BIN3: variants seen among roughly 807,000 people sequenced by gnomAD.
BIN3 encodes the protein bridging integrator 3.
Under a neutral mutation model 38.2 loss-of-function variants are expected in BIN3, and 41 were observed. The ratio of observed to expected loss-of-function variants is 1.07; its 90% CI spans 0.84 to 1.39. The LOEUF (loss-of-function observed/expected upper bound fraction) is 1.39, where lower values mean the gene tolerates loss of function less well. BIN3 is among the 40% of genes most tolerant of loss of function. The probability of loss-of-function intolerance (pLI) is 0.00; values close to 1 mark genes in which losing one functional copy is unlikely to be tolerated. For synonymous variants in BIN3, 145 were observed against 122.6 expected, an observed-to-expected ratio of 1.18 and a Z score of -1.21; for missense variants, 361 against 324.3, an observed-to-expected ratio of 1.11 and a Z score of -0.87.
At chr8:22,634,509 TGGCTGA>T in intron 4 of BIN3, 1 of 456,326 alleles carries the variant, frequency 2.2e-6, no homozygotes. Flanking sequence ...CATCAGTAAC[TGGCTGA>T]GGCTTAGGAG....
chr8:22,642,396 G>C (rs1269772166), intron 2 of BIN3, among the ~76,000 whole-genome samples: 1 of 152,154 alleles, frequency 6.6e-6, no homozygotes, highest in East Asian at 1.9e-4. Context: ...TTCTACTTCA[G>C]TGCCTCTGGG....
intron 1 of BIN3, among the ~76,000 whole-genome samples, chr8:22,652,719 AGAGAAAAG>A (rs1217546038): frequency 4.1e-4 from 63 of 152,034 alleles, no homozygotes; most frequent in Admixed American, 4.1e-3. Flanking sequence ...ATATTTAGGC[AGAGAAAAG>A]AGCAAAACAA....
chr8:22,627,836 C>A (rs941937939), intron 6 of BIN3, among the ~76,000 whole-genome samples: 1 of 152,276 alleles, frequency 6.6e-6, no homozygotes, highest in South Asian at 2.1e-4. Flanking sequence ...TGGTCCTGCA[C>A]CACGCTGGCA....
intron 8 of BIN3, 106 bp from the exon 9 acceptor site, chr8:22,621,674 G>A (rs1801825317): frequency 2.5e-6 from 3 of 1,223,350 alleles, no homozygotes; most frequent in Non-Finnish European, 3.5e-6. Flanking sequence ...TACCCATCTG[G>A]AGCTGTGCAG....
In BIN3 at chr8:22,639,286, C is replaced by T. The variant is rs1041445695; in HGVS notation, c.58-2324G>A. ...TTGCTCTGTTGCCCAGGCTGGAATGCGATGGTGGCATCATGGCTCACTGCA... is the reference window on the plus strand; with the variant it reads ...TTGCTCTGTTGCCCAGGCTGGAATGTGATGGTGGCATCATGGCTCACTGCA... On this transcript the variant is annotated intron_variant, in intron 2 of 8. Coordinates refer to ENST00000276416, the MANE Select transcript of BIN3 (RefSeq NM_018688.6). 2.0e-5 allele frequency among the ~76,000 whole-genome samples: 3 copies of T among 150,606 alleles called. No homozygotes were observed. In the South Asian group the frequency reaches 6.3e-4, roughly 31 times the overall value.
chr8:22,629,679 G>A (rs1445734188), intron 6 of BIN3: 7 of 535,218 alleles, frequency 1.3e-5, no homozygotes, highest in Non-Finnish European at 2.4e-5. Context: ...CAATCAGGAG[G>A]AAGCGGTCAA....
chr8:22,634,412 C>T (rs1802301852), intron 4 of BIN3: 5 of 447,934 alleles, frequency 1.1e-5, no homozygotes, highest in African/African-American at 4.2e-5. Flanking sequence ...TCAGCGCTCA[C>T]CCGGGCATGG....
intron 1 of BIN3, among the ~76,000 whole-genome samples, chr8:22,656,619 G>T (rs1803065477): frequency 6.6e-6 from 1 of 152,106 alleles, no homozygotes. Flanking sequence ...TCCGACTTTG[G>T]TAAGAATGCT....
chr8:22,644,877 C>T lies in BIN3; in HGVS notation c.9-74G>A. 4 of 1,352,218 alleles carry T rather than the reference C, an allele frequency of 3.0e-6. No individual in the cohort carries two copies. In the South Asian group the frequency reaches 3.7e-5, roughly 13 times the overall value. 83.8% of individuals were successfully genotyped at this position (1,352,218 alleles called of 1,614,324 possible). ...TGCAGCTCAAAGTATCAGTACAGTA[C>T]AGGCCACTTTCCCCCAGGAGGGCGA... On this transcript the variant is annotated intron_variant, in intron 1 of 8. Coordinates refer to ENST00000276416, the MANE Select transcript of BIN3 (RefSeq NM_018688.6).
chr8:22,630,243 C>A (rs1184202302), intron 5 of BIN3, among the ~76,000 whole-genome samples, 199 bp downstream of exon 5: 1 of 152,194 alleles, frequency 6.6e-6, no homozygotes, highest in Non-Finnish European at 1.5e-5. Flanking sequence ...GCTCGTGGAG[C>A]CTCAGGAGGC....
At chr8:22,661,860 A>G (rs1435266110) in intron 1 of BIN3, among the ~76,000 whole-genome samples, 1 of 151,736 alleles carries the variant, frequency 6.6e-6, no homozygotes, top group Non-Finnish European at 1.5e-5. Context: ...GCATGATCTC[A>G]GCTCACTGCA....
chr8:22,658,467 G>A (rs1019727832), intron 1 of BIN3, among the ~76,000 whole-genome samples: 2 of 152,172 alleles, frequency 1.3e-5, no homozygotes, highest in African/African-American at 2.4e-5. Flanking sequence ...AAAAGCCCCT[G>A]CTCTTGTGTA....
chr8:22,668,910 G>A, intron 1 of BIN3, 134 bp downstream of exon 1: 2 of 1,171,330 alleles, frequency 1.7e-6, no homozygotes, highest in Non-Finnish European at 2.4e-6. Context: ...CCCTAGGGCA[G>A]GGGCTGTCGG....
intron 6 of BIN3, 36 bp from the exon 7 acceptor site, chr8:22,624,399 T>C (rs1321411286): frequency 6.3e-7 from 1 of 1,599,758 alleles, no homozygotes; most frequent in African/African-American, 1.3e-5. Flanking sequence ...GGCCCGTTCT[T>C]GAAGGGGTGG....
chr8:22,656,467 AAAG>A (rs1269810748), intron 1 of BIN3, among the ~76,000 whole-genome samples: 1 of 152,216 alleles, frequency 6.6e-6, no homozygotes, highest in Non-Finnish European at 1.5e-5. Context: ...TTCAACTGGA[AAAG>A]AAGAAAAATA....
At chr8:22,639,568 T>C (rs1802474859) in intron 2 of BIN3, among the ~76,000 whole-genome samples, 1 of 152,190 alleles carries the variant, frequency 6.6e-6, no homozygotes, top group Non-Finnish European at 1.5e-5. Flanking sequence ...GCTGATATCA[T>C]CTACCCCAGT....
chr8:22,622,874 A>C (rs1208671549), intron 8 of BIN3, among the ~76,000 whole-genome samples: 1 of 152,208 alleles, frequency 6.6e-6, no homozygotes, highest in South Asian at 2.1e-4. Flanking sequence ...ACTGCCCCCT[A>C]AAGATGGCAC....
At chr8:22,635,903 C>T (rs1206798955) in intron 4 of BIN3, among the ~76,000 whole-genome samples, 1 of 152,032 alleles carries the variant, frequency 6.6e-6, no homozygotes, top group South Asian at 2.1e-4. Context: ...TTATTCCCGA[C>T]CTGCTTGTGT....
At chr8:22,624,538 C>A in intron 6 of BIN3, 175 bp from the exon 7 acceptor site, 1 of 736,292 alleles carries the variant, frequency 1.4e-6, no homozygotes, top group Admixed American at 2.9e-5. Context: ...GCGCCAGACC[C>A]TGCTCTAGGT....
Sources: allele counts gnomAD v4.1 joint callset (sites outside exome capture counted in the v4.1 genomes callset), GRCh38; gene constraint gnomAD v4.1.1; transcripts MANE v1.5; gene names NCBI Gene and HGNC (gene_info 2026-07-23, HGNC 2026-07-21).